CNNM1: variants seen among roughly 807,000 people sequenced by gnomAD.
The protein encoded by CNNM1 is metal transporter CNNM1.
In CNNM1, 44 loss-of-function variants were observed where a neutral mutation model predicts 78.8. The ratio of observed to expected loss-of-function variants is 0.56; its 90% CI spans 0.44 to 0.72. The LOEUF (loss-of-function observed/expected upper bound fraction) is 0.72, where lower values mean the gene tolerates loss of function less well. Among genes scored for constraint, CNNM1 ranks in the 30% least tolerant of loss-of-function variants. The probability of loss-of-function intolerance (pLI) is 0.00; values close to 1 mark genes in which losing one functional copy is unlikely to be tolerated. For missense variants in CNNM1, 1,101 were observed against 1,292.2 expected (o/e 0.85, Z 2.27); for synonymous variants, 584 against 581.5 (o/e 1.00, Z -0.06).
intron 6 of CNNM1, chr10:99,368,533 C>A: frequency 1.2e-6 from 1 of 801,316 alleles, no homozygotes; most frequent in Non-Finnish European, 1.8e-6. Context: ...CAGACTGTCT[C>A]ACCCACTTTG....
Position 99,390,491 on chromosome 10 carries a change from G to A in CNNM1, c.2776+84G>A, listed in dbSNP as rs1214691880. 3 of 1,021,132 alleles carry A rather than the reference G, an allele frequency of 2.9e-6. 1 individual carries two copies. The highest frequency in any genetic ancestry group is 2.6e-4 in the Middle Eastern group (1 of 3,886). 63.3% of individuals were successfully genotyped at this position (1,021,132 alleles called of 1,614,324 possible). A position where few individuals can be genotyped will look rare whatever the true frequency, so the allele number is the denominator to read the frequency against. On this transcript the variant is annotated intron_variant, in intron 10 of 10. Coordinates refer to ENST00000356713, the MANE Select transcript of CNNM1 (RefSeq NM_020348.3). ...GCATGTTAGCATCTTCCTCTTGGGG[G>A]AGGAGCCATGGACTCCTCTTAGAAA...
chr10:99,355,315 A>C (rs1275846884), intron 1 of CNNM1, among the ~76,000 whole-genome samples: 1 of 151,780 alleles, frequency 6.6e-6, no homozygotes, highest in African/African-American at 2.4e-5. Flanking sequence ...TAGGAGATAT[A>C]CCTAATGTTA....
Position 99,364,308 on chromosome 10 carries a change from G to A in CNNM1, c.2029-109G>A. The A allele has an allele frequency of 4.2e-6, 3 of 721,092 alleles. No individual in the cohort carries two copies. The South Asian group carries it at 5.7e-5, about 14-fold the overall frequency. The allele number at this position is 721,092 out of a possible 1,614,324, so 44.7% of individuals were successfully genotyped here. On this transcript the variant is annotated intron_variant, in intron 4 of 10. Coordinates refer to ENST00000356713, the MANE Select transcript of CNNM1 (RefSeq NM_020348.3). ...TAACATTCCTCTGTGATAAGAACAT[G>A]GGTCTAGTCCACTTGTTATCCAAGC...
intron 6 of CNNM1, 47 bp from the exon 7 acceptor site, chr10:99,377,008 C>T: frequency 2.0e-6 from 2 of 975,768 alleles, no homozygotes; most frequent in East Asian, 3.6e-5. Flanking sequence ...CCTTCTTCCT[C>T]CCCACCCATC....
chr10:99,364,275 G>C, intron 4 of CNNM1, 142 bp from the exon 5 acceptor site: 1 of 605,378 alleles, frequency 1.7e-6, no homozygotes, highest in Non-Finnish European at 2.9e-6. Flanking sequence ...TGTAAATCTG[G>C]AGAGAATTAA....
rs1192202332 is a variant in CNNM1, at chr10:99,388,252, C to G, written c.2625C>G (p.His875Gln). Residue 875 changes from histidine to glutamine, a missense_variant, in exon 9 of 11, where the codon CAC becomes CAG. His to Gln is a conservative substitution (Grantham distance 24, BLOSUM62 0). This residue lies in a region of CNNM1 where 348 missense variants were observed against 384.5 expected (regional missense o/e 0.90). Transcript: ENST00000356713. ...AAGAAATGACTGACTTCGAGGAGCA[C>G]AGCACACAGCAGCTCACGCTGTCTC... ...TQEEMTDFEE[H>Q]STQQLTLSPA... is the part of the protein sequence containing the mutation. 1 of 1,613,948 alleles carries G rather than the reference C, an allele frequency of 6.2e-7. No individual in the cohort carries two copies. The highest frequency in any genetic ancestry group is 1.3e-5 in the African/African-American group (1 of 75,078).
chr10:99,390,171 C>A, intron 9 of CNNM1, 135 bp from the exon 10 acceptor site: 2 of 630,932 alleles, frequency 3.2e-6, no homozygotes, highest in Non-Finnish European at 5.6e-6. Context: ...GCGTCCCTGC[C>A]TTGTTACACC....
Position 99,329,720 on chromosome 10 carries a change from G to C in CNNM1, c.333G>C (p.Glu111Asp). 1 of 1,524,996 alleles carries C rather than the reference G, an allele frequency of 6.6e-7. No individual in the cohort carries two copies. The allele number at this position is 1,524,996 out of a possible 1,614,324, so 94.5% of individuals were successfully genotyped here. Residue 111 changes from glutamate (E) to aspartate (D), a missense_variant, in exon 1 of 11, where the codon GAG (glutamate) becomes GAC (aspartate). By Grantham distance (45) the Glu-to-Asp change is conservative (BLOSUM62 2). Coordinates refer to ENST00000356713, the MANE Select transcript of CNNM1 (RefSeq NM_020348.3). ...DWAPRLVFIE[E>D]PPGGGGVAPS... ...CTCCGCGGCTCGTGTTCATCGAGGA[G>C]CCCCCGGGCGGTGGCGGCGTGGCCC...
chr10:99,383,217 A>G (rs1169282510), intron 7 of CNNM1, among the ~76,000 whole-genome samples: 1 of 152,202 alleles, frequency 6.6e-6, no homozygotes. Flanking sequence ...TGACCAATGC[A>G]GGGTACTATC....
chr10:99,336,280 C>A (rs7101140), intron 1 of CNNM1, among the ~76,000 whole-genome samples: 58,853 of 152,124 alleles, frequency 0.39, 15,566 homozygotes, highest in African/African-American at 0.76. Context: ...AAATACTTAC[C>A]ATTGTGTTAC....
At chr10:99,366,127 A>G (rs913225133) in intron 6 of CNNM1, among the ~76,000 whole-genome samples, 1 of 152,246 alleles carries the variant, frequency 6.6e-6, no homozygotes, top group Admixed American at 6.5e-5. Flanking sequence ...GTACCTGCCC[A>G]GTGTGAAGAG....
At chr10:99,389,190 C>T (rs759312030) in intron 9 of CNNM1, among the ~76,000 whole-genome samples, 15 of 152,022 alleles carry the variant, frequency 9.9e-5, no homozygotes, top group South Asian at 2.1e-4. Context: ...CCCAGGCAGG[C>T]GGATCACCTA....
intron 7 of CNNM1, among the ~76,000 whole-genome samples, chr10:99,381,431 A>G (rs1385245484): frequency 6.6e-6 from 1 of 150,688 alleles, no homozygotes; most frequent in African/African-American, 2.4e-5. Flanking sequence ...AAAAAGGAAA[A>G]AAAAGAGTGT....
rs2032541647 is a variant in CNNM1 at position 99,393,721 on chromosome 10, T to C, written c.*2205T>C. On this transcript the variant is annotated 3_prime_UTR_variant, in exon 11 of 11. Transcript: ENST00000356713. ...AAATTCTCGGCACACCCTAGAGTAT[T>C]GTACAACCAACACCCCCACATAACT... 3 of 151,802 alleles carry C rather than the reference T, an allele frequency of 2.0e-5. No individual in the cohort carries two copies. The highest frequency in any genetic ancestry group is 7.3e-5 in the African/African-American group (3 of 41,250). The allele number at this position is 151,802 out of a possible 1,614,324, so 9.4% of individuals were successfully genotyped here. A position where few individuals can be genotyped will look rare whatever the true frequency, so the allele number is the denominator to read the frequency against.
intron 2 of CNNM1, among the ~76,000 whole-genome samples, chr10:99,359,158 C>A (rs1014245746): frequency 6.9e-6 from 1 of 144,090 alleles, no homozygotes; most frequent in African/African-American, 2.6e-5. Context: ...AGGCTTCCAA[C>A]ACACACTATT....
chr10:99,377,292 A>G, intron 7 of CNNM1, 74 bp downstream of exon 7: 1 of 1,413,354 alleles, frequency 7.1e-7, no homozygotes, highest in Non-Finnish European at 9.8e-7. Context: ...CAAGAAGACT[A>G]CCCCCATTCC....
chr10:99,357,243 T>C (rs1390531401), intron 1 of CNNM1, among the ~76,000 whole-genome samples: 2 of 152,176 alleles, frequency 1.3e-5, no homozygotes, highest in Non-Finnish European at 2.9e-5. Context: ...TACTTGCTAA[T>C]ATGTAAAAGT....
At chr10:99,371,094 T>C (rs983311201) in intron 6 of CNNM1, among the ~76,000 whole-genome samples, 15 of 152,294 alleles carry the variant, frequency 9.8e-5, no homozygotes, top group Non-Finnish European at 1.9e-4. Flanking sequence ...AATATAGACA[T>C]TTTATGCCCC....
At chr10:99,382,242 TAAAC>T (rs1254923641) in intron 7 of CNNM1, among the ~76,000 whole-genome samples, 14 of 152,224 alleles carry the variant, frequency 9.2e-5, no homozygotes, top group Admixed American at 8.5e-4. Flanking sequence ...GGAAAGGTGT[TAAAC>T]AAAGCCATGA....
Sources: gnomAD v4.1 joint callset for allele counts (sites outside exome capture counted in the v4.1 genomes callset) on GRCh38, gnomAD v4.1.1 for gene constraint, gnomAD v4.1.1 regional missense constraint, MANE v1.5 for transcripts, NCBI Gene and HGNC (gene_info 2026-07-23, HGNC 2026-07-21) for gene names.